Variants in RBFOX1 observed in about 807,000 individuals in gnomAD.
RBFOX1 encodes the protein RNA binding protein fox-1 homolog 1.
In RBFOX1, 8 loss-of-function variants were observed where a neutral mutation model predicts 57.7. The observed-to-expected ratio is 0.14, with a 90% confidence interval of 0.08 to 0.25. The LOEUF (loss-of-function observed/expected upper bound fraction) is 0.25, where lower values mean the gene tolerates loss of function less well. RBFOX1 is among the 10% of genes least tolerant of loss of function. The pLI is 1.00. For missense variants in RBFOX1, 611 were observed against 548.5 expected (o/e 1.11, Z -1.14); for synonymous variants, 326 against 222.4 (o/e 1.47, Z -4.15).
In RBFOX1 at chr16:6,078,117, G is replaced by C. The variant is rs576824323; in HGVS notation, c.-127+58125G>C. Among the ~76,000 whole-genome samples, 5 of 152,298 alleles carry C rather than the reference G, an allele frequency of 3.3e-5. No homozygotes were observed. The East Asian group carries it at 9.7e-4, about 29-fold the overall frequency. On this transcript the variant is annotated intron_variant, in intron 1 of 15. Transcript: ENST00000550418. ...TTTCTCATCTTTCCGGGGAGGTTAA[G>C]AGTTGCTGTGTCCTTTCTCAGTCCC... is the stretch of plus-strand genomic sequence containing the variant.
intron 4 of RBFOX1, among the ~76,000 whole-genome samples, chr16:7,455,877 C>G (rs1381982044): frequency 6.6e-6 from 1 of 151,838 alleles, no homozygotes; most frequent in Non-Finnish European, 1.5e-5. Flanking sequence ...CTATGAGCCA[C>G]TGTGATGTCT....
chr16:6,552,960 T>C lies in RBFOX1; in HGVS notation c.-63-101643T>C, dbSNP rs191327995. On this transcript the variant is annotated intron_variant, in intron 2 of 15. Transcript: ENST00000550418. ...TTACAATCTTTTCTAATTAAAAATT[T>C]TTTAAAAAGTATCTAAAGAAAAAGC... 5.7e-3 allele frequency among the ~76,000 whole-genome samples: 869 copies of C among 152,278 alleles called. 6 individuals carry two copies. The highest frequency in any genetic ancestry group is 0.017 in the South Asian group (84 of 4,824).
At chr16:5,933,927 C>T (rs1373208054) in intron 4 of RBFOX1, among the ~76,000 whole-genome samples, 4 of 151,856 alleles carry the variant, frequency 2.6e-5, no homozygotes, top group African/African-American at 9.7e-5. Flanking sequence ...ATTATTTTTT[C>T]TGTTCCTCTC....
intron 1 of RBFOX1, among the ~76,000 whole-genome samples, chr16:6,078,063 A>G (rs1214283828): frequency 2.0e-5 from 3 of 152,112 alleles, no homozygotes; most frequent in Non-Finnish European, 4.4e-5. Context: ...GAGTGTCTTG[A>G]TCATGCTCAT....
intron 4 of RBFOX1, chr16:7,510,173 A>G (rs890715700): frequency 3.0e-6 from 3 of 985,730 alleles, no homozygotes; most frequent in East Asian, 1.1e-4. Flanking sequence ...ACCTTCCTCA[A>G]CACCCCGATC....
intron 2 of RBFOX1, among the ~76,000 whole-genome samples, chr16:5,564,090 T>A (rs1457730424): frequency 6.6e-6 from 1 of 152,034 alleles, no homozygotes; most frequent in Non-Finnish European, 1.5e-5. Flanking sequence ...CTCAGCTCAC[T>A]TCAACCTCCA....
intron 2 of RBFOX1, among the ~76,000 whole-genome samples, chr16:6,548,962 G>C (rs931198873): frequency 1.3e-5 from 2 of 150,508 alleles, no homozygotes; most frequent in Non-Finnish European, 3.0e-5. Flanking sequence ...GTAATCCCAG[G>C]TACTCAAGTG....
At chr16:6,893,059 T>C (rs1567749350) in intron 3 of RBFOX1, among the ~76,000 whole-genome samples, 1 of 152,320 alleles carries the variant, frequency 6.6e-6, no homozygotes, top group East Asian at 1.9e-4. Flanking sequence ...GATCTTTCTC[T>C]TCAGAACTTG....
chr16:6,967,449 G>A (rs2084520755), intron 3 of RBFOX1, among the ~76,000 whole-genome samples: 1 of 152,148 alleles, frequency 6.6e-6, no homozygotes, highest in Non-Finnish European at 1.5e-5. Context: ...TTTGGAGCTA[G>A]GATTAGGATG....
At chr16:6,794,340 G>C (rs1228237971) in intron 3 of RBFOX1, among the ~76,000 whole-genome samples, 3 of 145,136 alleles carry the variant, frequency 2.1e-5, no homozygotes, top group South Asian at 4.4e-4. Flanking sequence ...ACAAACATGA[G>C]GCATTCTCAA....
At chr16:6,560,646 T>C (rs1159196872) in intron 2 of RBFOX1, among the ~76,000 whole-genome samples, 1 of 152,090 alleles carries the variant, frequency 6.6e-6, no homozygotes, top group East Asian at 1.9e-4. Context: ...TTTACTTGAG[T>C]AAAATAGGGT....
chr16:5,797,975 C>G (rs1375507632), intron 3 of RBFOX1, among the ~76,000 whole-genome samples: 1 of 152,152 alleles, frequency 6.6e-6, no homozygotes, highest in Non-Finnish European at 1.5e-5. Flanking sequence ...TTTATTCTTT[C>G]AAACAGTATT....
chr16:5,258,658 C>T (rs1437697591), intron 1 of RBFOX1, among the ~76,000 whole-genome samples: 1 of 152,200 alleles, frequency 6.6e-6, no homozygotes, highest in Non-Finnish European at 1.5e-5. Flanking sequence ...TGGCTCACAC[C>T]TGTAATCCCA....
Position 5,965,479 on chromosome 16 carries a change from T to G in RBFOX1, c.351+98144T>G, listed in dbSNP as rs748715486. 5.9e-5 allele frequency among the ~76,000 whole-genome samples: 9 copies of G among 152,244 alleles called. No individual in the cohort carries two copies. In the South Asian group the frequency reaches 6.2e-4, roughly 11 times the overall value. ...TAGGGGGTGGGGAAACCAATCAAGC[T>G]GTAAGTGGCATGCTTCAACTCAGGC... On this transcript the variant is annotated intron_variant, in intron 4 of 19. Transcript: ENST00000641259.
At chr16:7,471,395 T>C (rs2061532175) in intron 4 of RBFOX1, among the ~76,000 whole-genome samples, 1 of 152,146 alleles carries the variant, frequency 6.6e-6, no homozygotes, top group South Asian at 2.1e-4. Context: ...TACATTTTGG[T>C]AGATGTTCCC....
At chr16:6,280,519 C>T (rs117065379) in intron 1 of RBFOX1, among the ~76,000 whole-genome samples, 1,575 of 152,170 alleles carry the variant, frequency 0.01, 16 homozygotes, top group Non-Finnish European at 0.013. Context: ...GGATTAAAAG[C>T]ATTGCATTTG....
chr16:5,575,986 CTT>C (rs77867298), intron 2 of RBFOX1, among the ~76,000 whole-genome samples: 2 of 148,210 alleles, frequency 1.3e-5, no homozygotes, highest in Admixed American at 6.7e-5. Context: ...AAATTTTCAT[CTT>C]TTTTTTTTCT....
intron 3 of RBFOX1, among the ~76,000 whole-genome samples, chr16:6,978,276 T>G (rs1250759685): frequency 2.0e-5 from 3 of 152,210 alleles, no homozygotes; most frequent in African/African-American, 7.2e-5. Flanking sequence ...TGATAGATGT[T>G]CTGAATGTCT....
At chr16:5,779,274 A>AT (rs1324524563) in intron 3 of RBFOX1, among the ~76,000 whole-genome samples, 1 of 152,128 alleles carries the variant, frequency 6.6e-6, no homozygotes, top group African/African-American at 2.4e-5. Context: ...AGCTGAATTT[A>AT]TCTTGAATTT....
Sources: allele counts gnomAD v4.1 joint callset (sites outside exome capture counted in the v4.1 genomes callset), GRCh38; gene constraint gnomAD v4.1.1; transcripts MANE v1.5; gene names NCBI Gene and HGNC (gene_info 2026-07-23, HGNC 2026-07-21).